EBF3: variants seen among roughly 807,000 people sequenced by gnomAD.
The protein encoded by EBF3 is EBF transcription factor 3, also known as transcription factor COE3.
In EBF3, 18 loss-of-function variants were observed where a neutral mutation model predicts 77.1. The ratio of observed to expected loss-of-function variants is 0.23; its 90% CI spans 0.16 to 0.35. The LOEUF is 0.35. Ranked by LOEUF, EBF3 falls within the 10% of genes least tolerant of loss-of-function variation. The pLI is 1.00. For synonymous variants in EBF3, 350 were observed against 343.5 expected (o/e 1.02, Z -0.21); for missense variants, 558 against 860.0 (o/e 0.65, Z 4.39).
chr10:129,880,045 T>C (rs1181201371), intron 6 of EBF3, among the ~76,000 whole-genome samples: 2 of 152,178 alleles, frequency 1.3e-5, no homozygotes, highest in Admixed American at 6.5e-5. Context: ...GGAGGTTTCT[T>C]TAAATTTCTT....
intron 8 of EBF3, among the ~76,000 whole-genome samples, chr10:129,868,534 T>G (rs1589747377): frequency 6.6e-6 from 1 of 152,210 alleles, no homozygotes; most frequent in Non-Finnish European, 1.5e-5. Flanking sequence ...TCTCTTTGTC[T>G]CGGGAGCTCT....
intron 10 of EBF3, among the ~76,000 whole-genome samples, chr10:129,850,877 C>T (rs574667308): frequency 6.6e-6 from 1 of 152,316 alleles, no homozygotes; most frequent in African/African-American, 2.4e-5. Flanking sequence ...CCGCCCTGCA[C>T]CATCACTGGC....
chr10:129,932,312 G>A (rs1037748656), intron 6 of EBF3, among the ~76,000 whole-genome samples: 6 of 152,204 alleles, frequency 3.9e-5, no homozygotes, highest in African/African-American at 1.4e-4. Flanking sequence ...TGCCTAGCCT[G>A]GGAGGCAATC....
chr10:129,911,751 T>C (rs762963741), intron 6 of EBF3, among the ~76,000 whole-genome samples: 18 of 151,946 alleles, frequency 1.2e-4, no homozygotes, highest in African/African-American at 3.9e-4. Flanking sequence ...ATAGTTGATA[T>C]GGGGGAAATG....
chr10:129,894,025 C>T (rs896319541), intron 6 of EBF3, among the ~76,000 whole-genome samples: 1 of 152,164 alleles, frequency 6.6e-6, no homozygotes, highest in Non-Finnish European at 1.5e-5. Context: ...AACCCACAGG[C>T]AGAATAATTT....
Position 129,963,663 on chromosome 10 carries a change from C to T in EBF3, c.106G>A (p.Val36Met). 1 of 1,503,492 alleles carries T rather than the reference C, an allele frequency of 6.7e-7. No individual in the cohort carries two copies. Among genetic ancestry groups the T allele is most frequent in the Non-Finnish European group, 8.9e-7 (1 of 1,118,008 alleles). 93.1% of individuals were successfully genotyped at this position (1,503,492 alleles called of 1,614,324 possible). A position where few individuals can be genotyped will look rare whatever the true frequency, so the allele number is the denominator to read the frequency against. Reference protein sequence around the residue: ...PVRSWMHTAGVVDANTAAQSG... With the variant: ...PVRSWMHTAGMVDANTAAQSG... ...TGGGCGGCCGTGTTGGCGTCCACCA[C>T]GCCCGCCGTGTGCATCCACGAGCGC... Residue 36 changes from valine to methionine, a missense_variant, in exon 1 of 17, where the codon GTG (valine) becomes ATG (methionine). This residue lies in a region of EBF3 where 64 missense variants were observed against 54.5 expected (regional missense o/e 1.18). Coordinates refer to ENST00000440978, the MANE Select transcript of EBF3 (RefSeq NM_001375380.1). This position sits in a 1 kb window ranked among gnomAD's most constrained non-coding sequence, Gnocchi z 7.1.
intron 6 of EBF3, among the ~76,000 whole-genome samples, chr10:129,914,009 T>G (rs1309865845): frequency 6.6e-6 from 1 of 152,248 alleles, no homozygotes; most frequent in Non-Finnish European, 1.5e-5. Context: ...GAGCAAGGCC[T>G]GGTGGTTCAA....
At chr10:129,958,863 G>C in intron 5 of EBF3, 71 bp downstream of exon 5, 2 of 1,501,514 alleles carry the variant, frequency 1.3e-6, no homozygotes, top group Non-Finnish European at 1.8e-6. Flanking sequence ...GCGCCTGGAC[G>C]CGGCGTCCTT....
At chr10:129,959,181 G>A (rs546879075) in intron 4 of EBF3, among the ~76,000 whole-genome samples, 174 bp from the exon 5 acceptor site, 103 of 152,254 alleles carry the variant, frequency 6.8e-4, no homozygotes, top group African/African-American at 2.2e-3. Flanking sequence ...GCTGGGCTAG[G>A]CCGCGATGGC....
At chr10:129,920,322 C>T (rs111360060) in intron 6 of EBF3, among the ~76,000 whole-genome samples, 16 of 85,256 alleles carry the variant, frequency 1.9e-4, no homozygotes, top group African/African-American at 6.4e-4. Flanking sequence ...GGTCTAGGGC[C>T]AGTATCTCCA....
At chr10:129,890,656 T>C (rs551586248) in intron 6 of EBF3, among the ~76,000 whole-genome samples, 1 of 152,388 alleles carries the variant, frequency 6.6e-6, no homozygotes, top group South Asian at 2.1e-4. Context: ...GCTAAGCAAC[T>C]TCCCCTAACA....
At chr10:129,948,716 G>C (rs542760101) in intron 6 of EBF3, among the ~76,000 whole-genome samples, 1 of 152,338 alleles carries the variant, frequency 6.6e-6, no homozygotes, top group Non-Finnish European at 1.5e-5. Context: ...AGTCTATTCA[G>C]TGTTTTTAAA....
At chr10:129,872,686 C>T (rs895689057) in intron 8 of EBF3, among the ~76,000 whole-genome samples, 2 of 152,102 alleles carry the variant, frequency 1.3e-5, no homozygotes, top group Admixed American at 6.5e-5. Flanking sequence ...GTCAGAATCT[C>T]GTAATTATTA....
At chr10:129,906,362 T>C (rs1855142655) in intron 6 of EBF3, among the ~76,000 whole-genome samples, 1 of 152,238 alleles carries the variant, frequency 6.6e-6, no homozygotes, top group Non-Finnish European at 1.5e-5. Context: ...CAATATAAAA[T>C]GATGCCCCTG....
intron 8 of EBF3, among the ~76,000 whole-genome samples, chr10:129,868,675 G>A (rs1003627063): frequency 3.3e-5 from 5 of 152,340 alleles, no homozygotes; most frequent in Admixed American, 2.0e-4. Flanking sequence ...AGAGGCCACA[G>A]CCCAGGGAGA....
In EBF3 at chr10:129,842,222, G is replaced by A. The variant is rs1850117395; in HGVS notation, c.1266C>T (p.Ile422=). The change falls in exon 13 of 17, where the codon ATC becomes ATT. Residue 422 remains isoleucine, a synonymous_variant. Coordinates refer to ENST00000440978, the MANE Select transcript of EBF3 (RefSeq NM_001375380.1). The surrounding 1 kb of genome is among the most constrained non-coding windows in gnomAD (Gnocchi z 4.4). ...LYSVPRNHNQ[I]PTLGNNPAHT... is the part of the protein sequence containing the mutation. Reference sequence around the variant, plus strand: ...GTGCAGGGTTGTTGCCCAGGGTGGGGATCTGGTTGTGATTGCGGGGAACGC... The same window carrying A: ...GTGCAGGGTTGTTGCCCAGGGTGGGAATCTGGTTGTGATTGCGGGGAACGC... The A allele has an allele frequency of 3.1e-6, 5 of 1,614,052 alleles. No individual in the cohort carries two copies. Among genetic ancestry groups the A allele is most frequent in the Non-Finnish European group, 3.4e-6 (4 of 1,180,036 alleles).
rs566291142 is a variant in EBF3, at chr10:129,941,994, G to GC, written c.554+15263dup. The stretch of plus-strand genomic sequence containing the variant: ...GACTTGGCAGTTCCTTGGGAATGGA[G>GC]CCCCCCCACCCCATTTAAAAGCAGT... On this transcript the variant is annotated intron_variant, in intron 6 of 16. Transcript: ENST00000440978. Among the ~76,000 whole-genome samples the GC allele has an allele frequency of 8.7e-4, 133 of 152,116 alleles. 3 individuals carry two copies. In the South Asian group the frequency reaches 0.019, roughly 22 times the overall value.
Position 129,840,173 on chromosome 10 carries a change from C to T in EBF3, c.1759+72G>A, listed in dbSNP as rs550449451. ...CAGAGGTGCCAGGAGAAAGGCCGAG[C>T]CCCCACCCCCACTCCCATCCCCACC... is the stretch of plus-strand genomic sequence containing the variant. On this transcript the variant is annotated intron_variant, in intron 15 of 16. Transcript: ENST00000440978. The T allele has an allele frequency of 1.8e-4, 268 of 1,451,952 alleles. No individual in the cohort carries two copies. In the African/African-American group the frequency reaches 3.3e-3, roughly 18 times the overall value. The allele number at this position is 1,451,952 out of a possible 1,614,324, so 89.9% of individuals were successfully genotyped here. A position where few individuals can be genotyped will look rare whatever the true frequency, so the allele number is the denominator to read the frequency against.
At chr10:129,948,571 A>G (rs563365195) in intron 6 of EBF3, among the ~76,000 whole-genome samples, 68 of 120,042 alleles carry the variant, frequency 5.7e-4, no homozygotes, top group African/African-American at 2.2e-3. Context: ...GCATTGGCTC[A>G]GGTGTAATGA....
Sources: allele counts gnomAD v4.1 joint callset (sites outside exome capture counted in the v4.1 genomes callset), GRCh38; gene constraint gnomAD v4.1.1; regional missense constraint gnomAD v4.1.1; non-coding constraint Gnocchi (gnomAD v3.1); transcripts MANE v1.5; gene names NCBI Gene and HGNC (gene_info 2026-07-23, HGNC 2026-07-21).